The following PMM2 variants were observed in gnomAD, a reference collection of about 807,000 sequenced individuals.
The protein encoded by PMM2 is phosphomannomutase 2, also known as mannose-6-phosphate isomerase.
A neutral mutation model predicts 33.2 loss-of-function variants in PMM2; 35 were observed. The observed-to-expected ratio is 1.06, with a 90% CI of 0.81 to 1.40. The LOEUF is 1.40. PMM2 is among the 40% of genes most tolerant of loss of function. The probability of loss-of-function intolerance (pLI) is 0.00; values close to 1 mark genes in which losing one functional copy is unlikely to be tolerated. For missense variants in PMM2, 386 were observed against 306.0 expected, an observed-to-expected ratio of 1.26 and a Z score of -1.95; for synonymous variants, 153 against 114.7, an observed-to-expected ratio of 1.33 and a Z score of -2.13.
intron 4 of PMM2, chr16:8,807,995 T>G (rs1342626673): frequency 2.0e-5 from 3 of 152,238 alleles, no homozygotes; most frequent in African/African-American, 7.2e-5. Context: ...GAAATCCTTC[T>G]CATTTTTACC....
At chr16:8,826,796 G>GT (rs2060770737) in intron 7 of PMM2, among the ~76,000 whole-genome samples, 1 of 151,670 alleles carries the variant, frequency 6.6e-6, no homozygotes, top group African/African-American at 2.4e-5. Flanking sequence ...ATTTTTTAGG[G>GT]GTTTTTTTTC....
At position 8,825,529 on chromosome 16, in the gene PMM2, C is replaced by T. The variant is rs192625063; in HGVS notation, c.639+12423C>T. On this transcript the variant is annotated intron_variant, in intron 7 of 7. Coordinates refer to ENST00000268261, the MANE Select transcript of PMM2 (RefSeq NM_000303.3). ...AGAGACTGGGTTTCGCCATGTTGGC[C>T]AGGCTGGTCTTGAACTCCTGACCCC... 2.2e-3 allele frequency among the ~76,000 whole-genome samples: 337 copies of T among 152,138 alleles called. 1 individual carries two copies. Among genetic ancestry groups the T allele is most frequent in the African/African-American group, 7.8e-3 (325 of 41,494 alleles).
At chr16:8,826,397 C>G (rs1262286487) in intron 7 of PMM2, among the ~76,000 whole-genome samples, 1 of 152,164 alleles carries the variant, frequency 6.6e-6, no homozygotes, top group Non-Finnish European at 1.5e-5. Context: ...CTGACTCTCT[C>G]TGGCCTAGCT....
chr16:8,805,311 G>T (rs765932222), intron 3 of PMM2, among the ~76,000 whole-genome samples: 2 of 151,808 alleles, frequency 1.3e-5, no homozygotes, highest in East Asian at 1.9e-4. Context: ...CAAGTGATCC[G>T]CCCACCTCAG....
intron 7 of PMM2, chr16:8,833,094 T>C (rs62033463): frequency 0.13 from 23,611 of 179,594 alleles, 1,987 homozygotes; most frequent in East Asian, 0.26. Context: ...GTGAGCAACA[T>C]GGCTGTTTTT....
intron 7 of PMM2, among the ~76,000 whole-genome samples, chr16:8,836,729 G>A (rs1472796852): frequency 6.6e-6 from 1 of 152,024 alleles, no homozygotes; most frequent in African/African-American, 2.4e-5. Flanking sequence ...TGTATATTGA[G>A]AATAAGACGG....
intron 7 of PMM2, among the ~76,000 whole-genome samples, chr16:8,843,731 C>G (rs1315837259): frequency 6.6e-6 from 1 of 152,104 alleles, no homozygotes; most frequent in Non-Finnish European, 1.5e-5. Context: ...GTTTGAGGGC[C>G]AGATTCTAAT....
chr16:8,832,396 T>C, intron 7 of PMM2: 1 of 985,412 alleles, frequency 1.0e-6, no homozygotes, highest in Non-Finnish European at 1.2e-6. Context: ...CCTAGCTTTA[T>C]TAAGTGTCAG....
At chr16:8,810,085 A>C (rs1229333583) in intron 4 of PMM2, 1 of 152,284 alleles carries the variant, frequency 6.6e-6, no homozygotes, top group Non-Finnish European at 1.5e-5. Context: ...TGCTGGGGTT[A>C]ATAGGTGTGA....
intron 1 of PMM2, among the ~76,000 whole-genome samples, chr16:8,800,828 C>T (rs1055561016): frequency 2.0e-5 from 3 of 152,142 alleles, no homozygotes; most frequent in South Asian, 2.1e-4. Context: ...GGACTACAGG[C>T]GCCCACCAGC....
At chr16:8,811,242 G>A in intron 5 of PMM2, 64 bp downstream of exon 5, 2 of 1,102,934 alleles carry the variant, frequency 1.8e-6, no homozygotes, top group East Asian at 2.6e-5. Flanking sequence ...ATGGCCTGGT[G>A]TGGTGGTTCA....
chr16:8,827,783 TTTATA>T (rs2141034208), intron 7 of PMM2, among the ~76,000 whole-genome samples: 1 of 82,026 alleles, frequency 1.2e-5, no homozygotes, highest in South Asian at 3.8e-4. Flanking sequence ...TATATATATA[TTTATA>T]TATATTTATA....
At position 8,813,110 on chromosome 16, in the gene PMM2, A is replaced by G; in HGVS notation, c.639+4A>G. The G allele has an allele frequency of 1.3e-6, 2 of 1,525,312 alleles. No individual in the cohort carries two copies. The highest frequency in any genetic ancestry group is 1.8e-6 in the Non-Finnish European group (2 of 1,098,864). The allele number at this position is 1,525,312 out of a possible 1,614,324, so 94.5% of individuals were successfully genotyped here. A position where few individuals can be genotyped will look rare whatever the true frequency, so the allele number is the denominator to read the frequency against. On this transcript the variant is annotated splice_donor_region_variant and intron_variant, in intron 7 of 7. Transcript: ENST00000268261. ...CTTTGGAGACAAAACTATGCCAGTA[A>G]GTAGAGAAGTGTTTGTGCACCTTCA...
rs187208810 is a variant in PMM2 at position 8,819,538 on chromosome 16, A to G, written c.639+6432A>G. Among the ~76,000 whole-genome samples the G allele has an allele frequency of 3.8e-3, 574 of 152,128 alleles. 1 individual carries two copies. Among genetic ancestry groups the G allele is most frequent in the Middle Eastern group, 0.01 (3 of 294 alleles). On this transcript the variant is annotated intron_variant, in intron 7 of 7. Coordinates refer to ENST00000268261, the MANE Select transcript of PMM2 (RefSeq NM_000303.3). ...CTATCTATTGAAAAATAAAATTTTTAAATCAACTTGAGAAAAGGATCTGAG... is the reference window on the plus strand; with the variant it reads ...CTATCTATTGAAAAATAAAATTTTTGAATCAACTTGAGAAAAGGATCTGAG...
chr16:8,832,415 A>G, intron 7 of PMM2: 3 of 985,352 alleles, frequency 3.0e-6, no homozygotes, highest in East Asian at 1.1e-4. Flanking sequence ...AGCGAGTTAC[A>G]TGCACACAGA....
At position 8,848,905 on chromosome 16, in the gene PMM2, G is replaced by A. The variant is rs2060947241; in HGVS notation, c.*1080G>A. ...TGCACGTTCTTCGTGAAACTGGAAG[G>A]ATCCCGGGTCTCAGCTAGAACACGG... On this transcript the variant is annotated 3_prime_UTR_variant, in exon 8 of 8. Coordinates refer to ENST00000268261, the MANE Select transcript of PMM2 (RefSeq NM_000303.3). 2 of 152,372 alleles carry A rather than the reference G, an allele frequency of 1.3e-5. No homozygotes were observed. Among genetic ancestry groups the A allele is most frequent in the Non-Finnish European group, 2.9e-5 (2 of 68,038 alleles). The allele number at this position is 152,372 out of a possible 1,614,324, so 9.4% of individuals were successfully genotyped here.
intron 7 of PMM2, among the ~76,000 whole-genome samples, chr16:8,831,910 TCTTCCCTCCCCC>T (rs776462949): frequency 3.3e-5 from 5 of 152,294 alleles, no homozygotes; most frequent in Admixed American, 2.6e-4. Flanking sequence ...GATCGTTCAT[TCTTCCCTCCCCC>T]CTTCCCTCCC....
intron 7 of PMM2, among the ~76,000 whole-genome samples, chr16:8,825,282 C>T (rs990893168): frequency 3.1e-4 from 47 of 152,020 alleles, no homozygotes; most frequent in African/African-American, 1.0e-3. Flanking sequence ...CCACCCACCT[C>T]GGCCTCCCAA....
At chr16:8,818,972 C>T (rs570425622) in intron 7 of PMM2, among the ~76,000 whole-genome samples, 24 of 152,320 alleles carry the variant, frequency 1.6e-4, no homozygotes, top group South Asian at 4.1e-4. Flanking sequence ...ACTCTGAATT[C>T]GCAGGCAAGA....
Sources: gnomAD v4.1 joint callset for allele counts (sites outside exome capture counted in the v4.1 genomes callset) on GRCh38, gnomAD v4.1.1 for gene constraint, MANE v1.5 for transcripts, NCBI Gene and HGNC (gene_info 2026-07-23, HGNC 2026-07-21) for gene names.